LRRC66: variants seen among roughly 807,000 people sequenced by gnomAD.
LRRC66 encodes the protein leucine-rich repeat-containing protein 66.
LRRC66 carries 29 observed loss-of-function variants against 24.6 expected under a neutral mutation model. The ratio of observed to expected loss-of-function variants is 1.18; its 90% CI spans 0.88 to 1.61. LRRC66 has a LOEUF of 1.61. Ranked by LOEUF, LRRC66 falls within the 40% of genes most tolerant of loss-of-function variation. The probability of loss-of-function intolerance (pLI) is 0.00; values close to 1 mark genes in which losing one functional copy is unlikely to be tolerated. For synonymous variants in LRRC66, 411 were observed against 397.6 expected (o/e 1.03, Z -0.40); for missense variants, 1,124 against 1,058.0 (o/e 1.06, Z -0.87).
intron 3 of LRRC66, among the ~76,000 whole-genome samples, chr4:52,001,615 C>T (rs1389560150): frequency 6.6e-6 from 1 of 152,246 alleles, no homozygotes; most frequent in Non-Finnish European, 1.5e-5. Context: ...ACTAAATTAT[C>T]TTCATTTTTC....
chr4:52,011,106 C>A (rs1318471517), intron 2 of LRRC66, among the ~76,000 whole-genome samples: 1 of 152,150 alleles, frequency 6.6e-6, no homozygotes, highest in African/African-American at 2.4e-5. Flanking sequence ...CGGTGACAGA[C>A]ATTACACTTA....
At position 51,995,922 on chromosome 4, in the gene LRRC66, T is replaced by C; in HGVS notation, c.1100A>G (p.Lys367Arg). The C allele has an allele frequency of 6.2e-7, 1 of 1,614,112 alleles. No homozygotes were observed. Among genetic ancestry groups the C allele is most frequent in the Non-Finnish European group, 8.5e-7 (1 of 1,180,006 alleles). ...CAGGTCCTGGGGAGCGTCCTCTTTT[T>C]TGCCGGCAGCCTGCACATCGCGGGT... Reference protein sequence around the residue: ...RSTRDVQAAGKKEDAPQDLAL... With the variant: ...RSTRDVQAAGRKEDAPQDLAL... The change falls in exon 5 of 5, where the codon AAA (lysine) becomes AGA (arginine). Residue 367 changes from lysine (K) to arginine (R), a missense_variant. By Grantham distance (26) the Lys-to-Arg change is conservative (BLOSUM62 2). Transcript: ENST00000682860.
chr4:52,011,688 C>T (rs1285558730), intron 2 of LRRC66, among the ~76,000 whole-genome samples: 1 of 152,102 alleles, frequency 6.6e-6, no homozygotes, highest in African/African-American at 2.4e-5. Flanking sequence ...CTGCTGTGTG[C>T]CAGGCACTAT....
At chr4:52,015,422 G>C (rs538019515) in intron 2 of LRRC66, among the ~76,000 whole-genome samples, 2 of 152,080 alleles carry the variant, frequency 1.3e-5, no homozygotes, top group Non-Finnish European at 2.9e-5. Context: ...CTCACCCCTC[G>C]ATGCCTTGTT....
In LRRC66 at chr4:52,017,482, T is replaced by G; in HGVS notation, c.132A>C (p.Thr44=). 1 of 1,614,096 alleles carries G rather than the reference T, an allele frequency of 6.2e-7. No homozygotes were observed. Among genetic ancestry groups the G allele is most frequent in the Non-Finnish European group, 8.5e-7 (1 of 1,179,980 alleles). ...CACACTTTCCGGTAAAAGAACAATT[T>G]GTCAGAATATATTCATTCCATTGGC... The part of the protein sequence containing the change: ...SECQWNEYIL[T]NCSFTGKCDI... Residue 44 remains threonine, a synonymous_variant, in exon 2 of 5, where the codon ACA becomes ACC. Coordinates refer to ENST00000682860, the MANE Select transcript of LRRC66 (RefSeq NM_001024611.3).
chr4:52,006,803 C>T (rs926473465), intron 2 of LRRC66, among the ~76,000 whole-genome samples: 3 of 151,484 alleles, frequency 2.0e-5, no homozygotes, highest in African/African-American at 7.3e-5. Flanking sequence ...ATTGTGTACT[C>T]TTTATGCTCT....
intron 1 of LRRC66, chr4:52,017,848 A>T (rs552925861): frequency 6.1e-6 from 6 of 985,346 alleles, no homozygotes; most frequent in African/African-American, 1.7e-5. Flanking sequence ...GACTCCCCTG[A>T]TTTTTCAGAA....
At chr4:52,005,644 CTT>C (rs377634579) in intron 2 of LRRC66, among the ~76,000 whole-genome samples, 7 of 143,034 alleles carry the variant, frequency 4.9e-5, no homozygotes, top group Admixed American at 7.0e-5. Context: ...GCCAAGAAGA[CTT>C]TTTTTTTTTT....
chr4:52,001,083 T>C (rs1323805153), intron 3 of LRRC66, among the ~76,000 whole-genome samples: 3 of 152,176 alleles, frequency 2.0e-5, no homozygotes, highest in African/African-American at 7.2e-5. Flanking sequence ...AGAAAACAGA[T>C]ATGATGTATG....
intron 2 of LRRC66, among the ~76,000 whole-genome samples, chr4:52,003,818 G>A (rs946723678): frequency 6.6e-6 from 1 of 152,160 alleles, no homozygotes; most frequent in Non-Finnish European, 1.5e-5. Context: ...TTCTTTCAAT[G>A]AGCATGTACT....
chr4:52,017,483 G>T lies in LRRC66; in HGVS notation c.131C>A (p.Thr44Lys), dbSNP rs775740866. ...ACACTTTCCGGTAAAAGAACAATTT[G>T]TCAGAATATATTCATTCCATTGGCA... ...SECQWNEYIL[T>K]NCSFTGKCDI... Residue 44 changes from threonine (T) to lysine (K), a missense_variant, in exon 2 of 5, where the codon ACA becomes AAA. By Grantham distance (78) the Thr-to-Lys change is moderately conservative (BLOSUM62 -1). Transcript: ENST00000682860. 1 of 1,613,940 alleles carries T rather than the reference G, an allele frequency of 6.2e-7. No homozygotes were observed. The highest frequency in any genetic ancestry group is 1.1e-5 in the South Asian group (1 of 91,062).
chr4:52,003,071 C>T, intron 3 of LRRC66, 152 bp downstream of exon 3: 2 of 561,288 alleles, frequency 3.6e-6, no homozygotes, highest in Non-Finnish European at 2.9e-6. Context: ...AAAGAGACTT[C>T]AGCTCTTTTA....
In LRRC66 at chr4:52,003,303, G is replaced by T; in HGVS notation, c.586C>A (p.Gln196Lys). 6.2e-7 allele frequency: 1 copy of T among 1,613,812 alleles called. No individual in the cohort carries two copies. Among genetic ancestry groups the T allele is most frequent in the Non-Finnish European group, 8.5e-7 (1 of 1,179,804 alleles). Residue 196 changes from glutamine (Q) to lysine (K), a missense_variant, in exon 3 of 5, where the codon CAA becomes AAA. Coordinates refer to ENST00000682860, the MANE Select transcript of LRRC66 (RefSeq NM_001024611.3). ...IGWSDFHNCLQLENLCLKSNK... is the reference protein window; with the variant it reads ...IGWSDFHNCLKLENLCLKSNK... ...CTCTTTAAACAGAGATTCTCCAGTT[G>T]CAGGCAGTTGTGAAAATCAGACCAC...
intron 3 of LRRC66, among the ~76,000 whole-genome samples, chr4:52,001,714 C>T (rs1020522751): frequency 9.9e-5 from 15 of 152,178 alleles, no homozygotes; most frequent in Admixed American, 3.9e-4. Flanking sequence ...TAAGCCCAGG[C>T]AGCTGGCTCA....
chr4:51,996,760 G>T (rs1363496249), intron 4 of LRRC66, among the ~76,000 whole-genome samples: 1 of 152,198 alleles, frequency 6.6e-6, no homozygotes, highest in African/African-American at 2.4e-5. Context: ...GGTCCTGGAG[G>T]TTGTATGTGC....
intron 2 of LRRC66, among the ~76,000 whole-genome samples, chr4:52,014,097 T>C (rs1158455199): frequency 6.6e-6 from 1 of 152,028 alleles, no homozygotes; most frequent in Non-Finnish European, 1.5e-5. Flanking sequence ...CTACTAAAAA[T>C]ACAAAATTAG....
chr4:52,017,676 T>A, intron 1 of LRRC66, 58 bp from the exon 2 acceptor site: 1 of 1,432,418 alleles, frequency 7.0e-7, no homozygotes, highest in South Asian at 1.6e-5. Flanking sequence ...CTAACAGCAA[T>A]AAGCAGCAAA....
intron 3 of LRRC66, among the ~76,000 whole-genome samples, chr4:51,999,804 A>T (rs545260521): frequency 6.6e-6 from 1 of 152,304 alleles, no homozygotes; most frequent in African/African-American, 2.4e-5. Context: ...TGAAAGGGGT[A>T]TACATTATGG....
chr4:52,018,335 G>A (rs1736865116), intron 1 of LRRC66: 2 of 984,660 alleles, frequency 2.0e-6, no homozygotes, highest in South Asian at 9.4e-5. Flanking sequence ...TTAAAAAGAA[G>A]TGTGTACAAA....
Sources: gnomAD v4.1 joint callset for allele counts (sites outside exome capture counted in the v4.1 genomes callset) on GRCh38, gnomAD v4.1.1 for gene constraint, MANE v1.5 for transcripts, NCBI Gene and HGNC (gene_info 2026-07-23, HGNC 2026-07-21) for gene names.